Variants in ULBP3 observed in about 807,000 individuals in gnomAD.
ULBP3 encodes UL16-binding protein 3.
In ULBP3, 25 loss-of-function variants were observed where a neutral mutation model predicts 24.9. The ratio of observed to expected loss-of-function variants is 1.00; its 90% CI spans 0.73 to 1.40. ULBP3 has a LOEUF of 1.40. Ranked by LOEUF, ULBP3 falls within the 40% of genes most tolerant of loss-of-function variation. ULBP3 has a pLI of 0.00. For synonymous variants in ULBP3, 114 were observed against 114.7 expected, an observed-to-expected ratio of 0.99 and a Z score of 0.04; for missense variants, 306 against 307.5, an observed-to-expected ratio of 1.00 and a Z score of 0.04.
chr6:150,061,684 C>T lies in ULBP3; in HGVS notation c.*1690G>A, dbSNP rs1776275773. 6.6e-6 allele frequency among the ~76,000 whole-genome samples: 1 copy of T among 152,152 alleles called. No homozygotes were observed. Among genetic ancestry groups the T allele is most frequent in the African/African-American group, 2.4e-5 (1 of 41,434 alleles). On this transcript the variant is annotated 3_prime_UTR_variant, in exon 5 of 5. Coordinates refer to ENST00000367339, the MANE Select transcript of ULBP3 (RefSeq NM_024518.3). The stretch of plus-strand genomic sequence containing the variant: ...TGGGCACTTAGGTTGATTCTGTGTC[C>T]TTGCTAGTAAGAATAGCACTGTAAT...
chr6:150,064,736 A>G (rs1237271530), intron 3 of ULBP3, 23 bp from the exon 4 acceptor site: 3 of 1,610,202 alleles, frequency 1.9e-6, no homozygotes, highest in Non-Finnish European at 2.5e-6. Context: ...CACAAAAGTG[A>G]CAACTCTTGT....
chr6:150,065,733 T>G, intron 2 of ULBP3, 60 bp from the exon 3 acceptor site: 1 of 1,597,598 alleles, frequency 6.3e-7, no homozygotes, highest in South Asian at 1.1e-5. Context: ...CTGTCCCACA[T>G]CCTCCTATGC....
At chr6:150,063,962 A>T (rs1420175433) in intron 4 of ULBP3, among the ~76,000 whole-genome samples, 6 of 152,188 alleles carry the variant, frequency 3.9e-5, no homozygotes, top group Non-Finnish European at 5.9e-5. Flanking sequence ...CCCAGGGCCT[A>T]GCCAGGAATC....
intron 1 of ULBP3, among the ~76,000 whole-genome samples, chr6:150,068,140 A>C (rs572576711): frequency 6.6e-6 from 1 of 152,054 alleles, no homozygotes; most frequent in South Asian, 2.1e-4. Flanking sequence ...CCACATGGCT[A>C]CACCCCCCCA....
At chr6:150,067,281 G>GTT (rs1776361286) in intron 1 of ULBP3, among the ~76,000 whole-genome samples, 1 of 152,136 alleles carries the variant, frequency 6.6e-6, no homozygotes, top group Non-Finnish European at 1.5e-5. Context: ...CAGAGCCCCT[G>GTT]GTGGGCTCCT....
chr6:150,063,403 G>A, intron 4 of ULBP3, 52 bp from the exon 5 acceptor site: 1 of 926,696 alleles, frequency 1.1e-6, no homozygotes, highest in Non-Finnish European at 1.3e-6. Context: ...ACCTGGGTCT[G>A]TTCTCCTGGG....
Position 150,065,976 on chromosome 6 carries a change from A to G in ULBP3, c.275T>C (p.Leu92Pro), listed in dbSNP as rs1776340308. The G allele has an allele frequency of 6.2e-7, 1 of 1,614,122 alleles. No homozygotes were observed. Among genetic ancestry groups the G allele is most frequent in the Non-Finnish European group, 8.5e-7 (1 of 1,180,032 alleles). Residue 92 changes from leucine to proline, a missense_variant, in exon 2 of 5, where the codon CTG becomes CCG. Coordinates refer to ENST00000367339, the MANE Select transcript of ULBP3 (RefSeq NM_024518.3). ...CTGCCCCACCTCTCTCAGCATTTCCAGTTGTTTTCCCCAGGCATCTGTGGC... is the reference window on the plus strand; with the variant it reads ...CTGCCCCACCTCTCTCAGCATTTCCGGTTGTTTTCCCCAGGCATCTGTGGC... Reference protein sequence around the residue: ...LYATDAWGKQLEMLREVGQRL... With the variant: ...LYATDAWGKQPEMLREVGQRL...
In ULBP3 at chr6:150,066,093, AC is replaced by A; in HGVS notation, c.157del (p.Val53SerfsTer26). ...LPRHGQQWCE[V>X]QSQVDQKNFL... The stretch of plus-strand genomic sequence containing the variant: ...ATTCTTCTGATCCACCTGGCTCTGG[AC>A]CTCACACCACTGTTGCCCATGTCTG... On this transcript the variant is annotated frameshift_variant, in exon 2 of 5. Coordinates refer to ENST00000367339, the MANE Select transcript of ULBP3 (RefSeq NM_024518.3). LOFTEE classifies it high-confidence loss of function. The A allele has an allele frequency of 6.2e-7, 1 of 1,614,092 alleles. No individual in the cohort carries two copies. The highest frequency in any genetic ancestry group is 1.1e-5 in the South Asian group (1 of 91,072).
At chr6:150,065,835 C>T (rs1776337911) in intron 2 of ULBP3, 64 bp downstream of exon 2, 9 of 1,596,734 alleles carry the variant, frequency 5.6e-6, no homozygotes, top group Admixed American at 5.1e-5. Context: ...TTCTTCTCCC[C>T]ACACACAGAA....
In ULBP3 at chr6:150,062,169, C is replaced by T. The variant is rs1183803417; in HGVS notation, c.*1205G>A. On this transcript the variant is annotated 3_prime_UTR_variant, in exon 5 of 5. Transcript: ENST00000367339. ...GTTTGCAAATAGTTTCCCCATTCTACACGCTGTCTGTTTACCGTGTTGCTA... is the reference window on the plus strand; with the variant it reads ...GTTTGCAAATAGTTTCCCCATTCTATACGCTGTCTGTTTACCGTGTTGCTA... Among the ~76,000 whole-genome samples, 1 of 152,220 alleles carries T rather than the reference C, an allele frequency of 6.6e-6. No individual in the cohort carries two copies. The highest frequency in any genetic ancestry group is 1.5e-5 in the Non-Finnish European group (1 of 68,036).
rs544958302 is a variant in ULBP3, at chr6:150,068,989, C to T, written c.78G>A (p.Thr26=). ...CATCCCCGAACTCACCGGCCCGCCC[C>T]GTCCCGGACCAGTCGAATAGCAGGT... The part of the protein sequence containing the change: ...LPYLLFDWSG[T]GRADAHSLWY... The change falls in exon 1 of 5, where the codon ACG becomes ACA. Residue 26 remains threonine, a synonymous_variant. Coordinates refer to ENST00000367339, the MANE Select transcript of ULBP3 (RefSeq NM_024518.3). 4.3e-6 allele frequency: 7 copies of T among 1,609,620 alleles called. No homozygotes were observed. The highest frequency in any genetic ancestry group is 2.7e-5 in the African/African-American group (2 of 74,874).
rs779230451 is a variant in ULBP3 at position 150,065,970 on chromosome 6, A to G, written c.281T>C (p.Met94Thr). ...GAGCCTCTGCCCCACCTCTCTCAGC[A>G]TTTCCAGTTGTTTTCCCCAGGCATC... ...ATDAWGKQLE[M>T]LREVGQRLRL... Residue 94 changes from methionine (M) to threonine (T), a missense_variant, in exon 2 of 5, where the codon ATG becomes ACG. Physicochemically the swap from Met to Thr is moderately conservative, Grantham distance 81. Coordinates refer to ENST00000367339, the MANE Select transcript of ULBP3 (RefSeq NM_024518.3). 3 of 1,614,126 alleles carry G rather than the reference A, an allele frequency of 1.9e-6. No individual in the cohort carries two copies. The highest frequency in any genetic ancestry group is 2.5e-6 in the Non-Finnish European group (3 of 1,180,022).
At chr6:150,063,736 T>C (rs1776305897) in intron 4 of ULBP3, among the ~76,000 whole-genome samples, 1 of 152,204 alleles carries the variant, frequency 6.6e-6, no homozygotes, top group South Asian at 2.1e-4. Context: ...TTCTTTCTCC[T>C]TCGCTCTCAG....
chr6:150,065,018 T>C (rs1582865156), intron 3 of ULBP3, among the ~76,000 whole-genome samples: 1 of 151,570 alleles, frequency 6.6e-6, no homozygotes, highest in Admixed American at 6.6e-5. Context: ...TTCGAGGTGG[T>C]TTTGATGGAT....
At position 150,065,390 on chromosome 6, in the gene ULBP3, T is replaced by C. The variant is rs774412051; in HGVS notation, c.628+8A>G. The C allele has an allele frequency of 6.2e-7, 1 of 1,613,454 alleles. No individual in the cohort carries two copies. Among genetic ancestry groups the C allele is most frequent in the Admixed American group, 1.7e-5 (1 of 60,010 alleles). On this transcript the variant is annotated splice_region_variant and intron_variant, in intron 3 of 4. Transcript: ENST00000367339. ...CCAACATGCTCCCAGTGCTCCCCTGTCAGTTACCTGTGGGTTCCAGCCTCT... is the reference window on the plus strand; with the variant it reads ...CCAACATGCTCCCAGTGCTCCCCTGCCAGTTACCTGTGGGTTCCAGCCTCT...
rs761516474 is a variant in ULBP3, at chr6:150,066,028, T to C, written c.223A>G (p.Met75Val). The C allele has an allele frequency of 3.0e-5, 49 of 1,614,108 alleles. No individual in the cohort carries two copies. The highest frequency in any genetic ancestry group is 2.3e-4 in the Admixed American group (14 of 60,008). Residue 75 changes from methionine to valine, a missense_variant, in exon 2 of 5, where the codon ATG becomes GTG. By Grantham distance (21) the Met-to-Val change is conservative. Coordinates refer to ENST00000367339, the MANE Select transcript of ULBP3 (RefSeq NM_024518.3). Reference protein sequence around the residue: ...YDCGSDKVLSMGHLEEQLYAT... With the variant: ...YDCGSDKVLSVGHLEEQLYAT... ...TACAGCTGCTCTTCTAGGTGACCCA[T>C]AGATAAGACCTTGTCACTGCCACAG...
In ULBP3 at chr6:150,061,875, G is replaced by A. The variant is rs548687349; in HGVS notation, c.*1499C>T. 4.6e-5 allele frequency among the ~76,000 whole-genome samples: 7 copies of A among 152,190 alleles called. No individual in the cohort carries two copies. Among genetic ancestry groups the A allele is most frequent in the Non-Finnish European group, 1.0e-4 (7 of 68,044 alleles). On this transcript the variant is annotated 3_prime_UTR_variant, in exon 5 of 5. Transcript: ENST00000367339. ...GAACAAGTTTGCTTTCCCACCAACA[G>A]TGTCTGTTTCTTTTCCTCTGCAGCC...
rs1776285740 is a variant in ULBP3 at position 150,062,510 on chromosome 6, A to G, written c.*864T>C. Reference sequence around the variant, plus strand: ...TTGGAGATTACAGTGAGTGATGACTATGCCACTTCACTCCAATATGGTTGA... The same window carrying G: ...TTGGAGATTACAGTGAGTGATGACTGTGCCACTTCACTCCAATATGGTTGA... On this transcript the variant is annotated 3_prime_UTR_variant, in exon 5 of 5. Coordinates refer to ENST00000367339, the MANE Select transcript of ULBP3 (RefSeq NM_024518.3). Among the ~76,000 whole-genome samples the G allele has an allele frequency of 6.6e-6, 1 of 152,160 alleles. No individual in the cohort carries two copies. Among genetic ancestry groups the G allele is most frequent in the South Asian group, 2.1e-4 (1 of 4,816 alleles).
At chr6:150,065,017 GT>G (rs1243866128) in intron 3 of ULBP3, among the ~76,000 whole-genome samples, 1 of 152,142 alleles carries the variant, frequency 6.6e-6, no homozygotes, top group African/African-American at 2.4e-5. Context: ...ATTCGAGGTG[GT>G]TTTGATGGAT....
Sources: gnomAD v4.1 joint callset for allele counts (sites outside exome capture counted in the v4.1 genomes callset) on GRCh38, gnomAD v4.1.1 for gene constraint, MANE v1.5 for transcripts, NCBI Gene and HGNC (gene_info 2026-07-23, HGNC 2026-07-21) for gene names.